Variants in USP36 observed in about 807,000 individuals in gnomAD.
The protein encoded by USP36 is ubiquitin carboxyl-terminal hydrolase 36.
A neutral mutation model predicts 111.5 loss-of-function variants in USP36; 59 were observed. The ratio of observed to expected loss-of-function variants is 0.53; its 90% CI spans 0.43 to 0.66. The LOEUF (loss-of-function observed/expected upper bound fraction) is 0.66. Among genes scored for constraint, USP36 ranks in the 30% least tolerant of loss-of-function variants. The probability of loss-of-function intolerance (pLI) is 0.00; values close to 1 mark genes in which losing one functional copy is unlikely to be tolerated. For synonymous variants in USP36, 628 were observed against 581.0 expected (o/e 1.08, Z -1.16); for missense variants, 1,488 against 1,468.0 (o/e 1.01, Z -0.22).
intron 10 of USP36, among the ~76,000 whole-genome samples, chr17:78,815,213 T>C (rs2094151371): frequency 6.6e-6 from 1 of 152,000 alleles, no homozygotes; most frequent in East Asian, 1.9e-4. Flanking sequence ...GTGCCTGTAG[T>C]TCCAGCTACT....
At chr17:78,814,959 G>A (rs535394443) in intron 10 of USP36, among the ~76,000 whole-genome samples, 1 of 150,632 alleles carries the variant, frequency 6.6e-6, no homozygotes, top group Admixed American at 6.6e-5. Context: ...AAACTGCCCC[G>A]CCACAAACAA....
At chr17:78,829,947 G>GCCA (rs1338015267) in intron 4 of USP36, among the ~76,000 whole-genome samples, 1 of 152,098 alleles carries the variant, frequency 6.6e-6, no homozygotes, top group Non-Finnish European at 1.5e-5. Flanking sequence ...CACCATGCTG[G>GCCA]CCAGGCTGGT....
intron 10 of USP36, among the ~76,000 whole-genome samples, chr17:78,817,240 T>TG (rs2094210158): frequency 6.6e-6 from 1 of 152,230 alleles, no homozygotes; most frequent in Non-Finnish European, 1.5e-5. Flanking sequence ...CTCTATGATG[T>TG]TCACACAGTG....
At chr17:78,813,130 T>C (rs982399852) in intron 12 of USP36, 129 bp from the exon 13 acceptor site, 2 of 1,165,684 alleles carry the variant, frequency 1.7e-6, no homozygotes, top group African/African-American at 3.1e-5. Context: ...TCCTAACCAC[T>C]TCTCTGGAAT....
chr17:78,788,171 TA>T (rs901863695), intron 3 of USP36, among the ~76,000 whole-genome samples: 4 of 152,098 alleles, frequency 2.6e-5, no homozygotes, highest in East Asian at 1.9e-4. Flanking sequence ...TTTATTTATT[TA>T]TTTTTTTTTT....
intron 5 of USP36, among the ~76,000 whole-genome samples, chr17:78,828,127 C>A (rs967030396): frequency 4.6e-5 from 7 of 152,030 alleles, no homozygotes; most frequent in African/African-American, 1.4e-4. Flanking sequence ...CCAAGGCCGA[C>A]TGCTTGAGTC....
At chr17:78,805,214 A>G (rs539922086) in intron 15 of USP36, among the ~76,000 whole-genome samples, 3 of 152,326 alleles carry the variant, frequency 2.0e-5, no homozygotes, top group South Asian at 2.1e-4. Context: ...TAAACAAACT[A>G]TAAGGGCCAT....
chr17:78,825,664 T>G (rs1294431583), intron 6 of USP36, among the ~76,000 whole-genome samples: 3 of 152,144 alleles, frequency 2.0e-5, no homozygotes, highest in Non-Finnish European at 4.4e-5. Context: ...ATCCTACTCC[T>G]CACGAATTTC....
At chr17:78,801,241 G>A (rs111838345) in intron 17 of USP36, among the ~76,000 whole-genome samples, 3,885 of 152,260 alleles carry the variant, frequency 0.026, 169 homozygotes, top group African/African-American at 0.087. Context: ...CTCCCAAAGT[G>A]TTGGGATTAC....
chr17:78,825,635 G>A (rs1222276111), intron 6 of USP36, among the ~76,000 whole-genome samples: 1 of 152,034 alleles, frequency 6.6e-6, no homozygotes, highest in Non-Finnish European at 1.5e-5. Context: ...AATCCAAACC[G>A]TTATTCATTC....
In USP36 at chr17:78,806,053, C is replaced by A; in HGVS notation, c.2216+103G>T. The A allele has an allele frequency of 1.9e-6, 3 of 1,580,318 alleles. No individual in the cohort carries two copies. In the South Asian group the frequency reaches 3.4e-5, roughly 18 times the overall value. On this transcript the variant is annotated intron_variant, in intron 15 of 20. Coordinates refer to ENST00000449938, the MANE Select transcript of USP36 (RefSeq NM_001385174.1). The stretch of plus-strand genomic sequence containing the variant: ...CCTCCTGGCTGCCCCAATGCTTTGT[C>A]TGTCCTGTGAGGTTGGCGATTCGTC...
chr17:78,801,789 C>G (rs533974667), intron 17 of USP36, among the ~76,000 whole-genome samples: 1 of 152,186 alleles, frequency 6.6e-6, no homozygotes, highest in East Asian at 1.9e-4. Context: ...GGAGTCATTC[C>G]GTGAGAAGCT....
chr17:78,835,401 G>T lies in USP36; in HGVS notation c.354C>A (p.Phe118Leu). 6.2e-7 allele frequency: 1 copy of T among 1,614,268 alleles called. No homozygotes were observed. The highest frequency in any genetic ancestry group is 8.5e-7 in the Non-Finnish European group (1 of 1,180,052). Residue 118 changes from phenylalanine (F) to leucine (L), a missense_variant, in exon 4 of 21, where the codon TTC becomes TTA. By Grantham distance (22) the Phe-to-Leu change is conservative. Transcript: ENST00000449938. ...ERLSLRWERV[F>L]RVGAGLHNLG... ...GGTTGTGGAGTCCTGCGCCCACGCGGAAGACCCGCTCCCACCTCAGAGACA... is the reference window on the plus strand; with the variant it reads ...GGTTGTGGAGTCCTGCGCCCACGCGTAAGACCCGCTCCCACCTCAGAGACA...
intron 3 of USP36, among the ~76,000 whole-genome samples, chr17:78,835,733 T>C (rs1479220647): frequency 6.6e-6 from 1 of 152,054 alleles, no homozygotes; most frequent in Non-Finnish European, 1.5e-5. Flanking sequence ...GGCCCCTCTA[T>C]AGATGGAGGA....
intron 16 of USP36, among the ~76,000 whole-genome samples, 174 bp from the exon 17 acceptor site, chr17:78,802,709 C>A (rs766661088): frequency 6.0e-4 from 92 of 152,300 alleles, no homozygotes; most frequent in Non-Finnish European, 1.1e-3. Flanking sequence ...CACACGCAGC[C>A]ACGGAGACAG....
chr17:78,801,771 G>C (rs1442507242), intron 17 of USP36, among the ~76,000 whole-genome samples: 1 of 152,212 alleles, frequency 6.6e-6, no homozygotes, highest in East Asian at 1.9e-4. Flanking sequence ...CTCAGGCTGG[G>C]AGTTCAGGGA....
intron 3 of USP36, among the ~76,000 whole-genome samples, chr17:78,835,873 TA>T (rs1470056606): frequency 1.3e-5 from 2 of 152,180 alleles, no homozygotes; most frequent in African/African-American, 4.8e-5. Flanking sequence ...ATACTTGGGA[TA>T]GGGGGACAGC....
chr17:78,809,781 C>T (rs2094003723), intron 13 of USP36, among the ~76,000 whole-genome samples: 1 of 152,076 alleles, frequency 6.6e-6, no homozygotes. Context: ...CACCACCACA[C>T]CTGGCTAATT....
At chr17:78,826,188 T>C (rs1173909569) in intron 6 of USP36, among the ~76,000 whole-genome samples, 1 of 152,268 alleles carries the variant, frequency 6.6e-6, no homozygotes, top group East Asian at 1.9e-4. Context: ...CAAAAAGGAA[T>C]GCATCCTAGG....
Sources: gnomAD v4.1 joint callset for allele counts (sites outside exome capture counted in the v4.1 genomes callset) on GRCh38, gnomAD v4.1.1 for gene constraint, MANE v1.5 for transcripts, NCBI Gene and HGNC (gene_info 2026-07-23, HGNC 2026-07-21) for gene names.